Variants in ZNF107 observed in about 807,000 individuals in gnomAD.
ZNF107 encodes zinc finger protein 107.
A neutral mutation model predicts 12.3 loss-of-function variants in ZNF107; 19 were observed. That is an observed-to-expected ratio of 1.55 (90% CI 1.08 to 2.27). The LOEUF (loss-of-function observed/expected upper bound fraction) is 2.27, where lower values mean the gene tolerates loss of function less well. Ranked by LOEUF, ZNF107 falls within the 30% of genes most tolerant of loss-of-function variation. The pLI, the probability that ZNF107 is intolerant of heterozygous loss-of-function variation, is 0.00. For synonymous variants in ZNF107, 317 were observed against 330.5 expected, an observed-to-expected ratio of 0.96 and a Z score of 0.44; for missense variants, 958 against 979.9, an observed-to-expected ratio of 0.98 and a Z score of 0.30.
chr7:64,687,064 C>T (rs1789945480), intron 1 of ZNF107: 1 of 985,286 alleles, frequency 1.0e-6, no homozygotes, highest in African/African-American at 1.7e-5. Flanking sequence ...CTGACTTGTT[C>T]AATCATATCT....
At chr7:64,691,060 G>T (rs1456371515) in intron 1 of ZNF107, among the ~76,000 whole-genome samples, 188 bp from the exon 2 acceptor site, 1 of 152,086 alleles carries the variant, frequency 6.6e-6, no homozygotes, top group East Asian at 1.9e-4. Flanking sequence ...TTTTAGTAGA[G>T]ACGGGGTTTC....
chr7:64,684,396 CT>C (rs1789815769), intron 1 of ZNF107, among the ~76,000 whole-genome samples: 1 of 152,144 alleles, frequency 6.6e-6, no homozygotes, highest in Non-Finnish European at 1.5e-5. Flanking sequence ...GCTTAACCCC[CT>C]GATCTCTACA....
chr7:64,683,268 C>A (rs1343430330), intron 1 of ZNF107, among the ~76,000 whole-genome samples: 1 of 152,172 alleles, frequency 6.6e-6, no homozygotes, highest in Non-Finnish European at 1.5e-5. Flanking sequence ...CAAGGGTCTT[C>A]CATTATCAAT....
At chr7:64,698,110 G>A (rs186742298) in intron 3 of ZNF107, among the ~76,000 whole-genome samples, 6 of 152,220 alleles carry the variant, frequency 3.9e-5, no homozygotes, top group African/African-American at 1.4e-4. Flanking sequence ...ATTCTAATTG[G>A]TGTGAGGTGA....
chr7:64,700,866 C>T (rs1043770549), intron 3 of ZNF107, among the ~76,000 whole-genome samples: 2 of 151,978 alleles, frequency 1.3e-5, no homozygotes, highest in Non-Finnish European at 2.9e-5. Context: ...GTTATCTGCT[C>T]TCAGGTATTA....
At chr7:64,688,380 C>T (rs1364048519) in intron 1 of ZNF107, among the ~76,000 whole-genome samples, 1 of 151,840 alleles carries the variant, frequency 6.6e-6, no homozygotes, top group Non-Finnish European at 1.5e-5. Flanking sequence ...CCTCAGCCTC[C>T]TGAGTAGCTG....
rs192069448 is a variant in ZNF107, at chr7:64,696,892, T to C, written c.226+4932T>C. 4.4e-3 allele frequency among the ~76,000 whole-genome samples: 670 copies of C among 152,268 alleles called. 8 individuals are homozygous for C. Among genetic ancestry groups the C allele is most frequent in the African/African-American group, 0.015 (635 of 41,542 alleles). ...TGCAGGTTTGTTACATATGTGTACA[T>C]GTGCCATGTTGGTGTGCTGCACCCA... On this transcript the variant is annotated intron_variant, in intron 3 of 3. Transcript: ENST00000620827.
chr7:64,673,127 T>C (rs1789295937), intron 1 of ZNF107, among the ~76,000 whole-genome samples: 1 of 152,190 alleles, frequency 6.6e-6, no homozygotes, highest in Non-Finnish European at 1.5e-5. Context: ...CACTGCAACC[T>C]CTCCCGCCTG....
At chr7:64,686,815 A>G (rs1006443857) in intron 1 of ZNF107, 1 of 909,180 alleles carries the variant, frequency 1.1e-6, no homozygotes, top group Non-Finnish European at 1.3e-6. Context: ...TCTCCCTCAC[A>G]CCTCCGGGCT....
At chr7:64,681,789 C>G (rs559289381) in intron 1 of ZNF107, among the ~76,000 whole-genome samples, 1 of 152,280 alleles carries the variant, frequency 6.6e-6, no homozygotes, top group African/African-American at 2.4e-5. Flanking sequence ...CATATTAGTT[C>G]AAGACCTTCG....
intron 1 of ZNF107, chr7:64,687,065 A>T (rs890761099): frequency 1.0e-6 from 1 of 985,438 alleles, no homozygotes; most frequent in Non-Finnish European, 1.2e-6. Flanking sequence ...TGACTTGTTC[A>T]ATCATATCTA....
intron 1 of ZNF107, chr7:64,668,895 T>C (rs1287335235): frequency 1.3e-5 from 2 of 152,052 alleles, no homozygotes; most frequent in Admixed American, 6.6e-5. Flanking sequence ...ATGAGTTACA[T>C]AGATTTATGA....
intron 1 of ZNF107, among the ~76,000 whole-genome samples, 152 bp from the exon 2 acceptor site, chr7:64,691,096 T>C (rs1790101450): frequency 6.6e-6 from 1 of 152,156 alleles, no homozygotes; most frequent in Non-Finnish European, 1.5e-5. Context: ...ATGGTCTCAA[T>C]CTCTTGACCT....
At chr7:64,666,883 G>A (rs1366129397) in intron 1 of ZNF107, among the ~76,000 whole-genome samples, 1 of 143,782 alleles carries the variant, frequency 7.0e-6, no homozygotes, top group Non-Finnish European at 1.5e-5. Flanking sequence ...AATTGGTTAG[G>A]TAGAGTTACG....
rs781693969 is a variant in ZNF107, at chr7:64,707,102, T to G, written c.1005T>G (p.His335Gln). 6.2e-7 allele frequency: 1 copy of G among 1,612,674 alleles called. No individual in the cohort carries two copies. The highest frequency in any genetic ancestry group is 1.7e-5 in the Admixed American group (1 of 59,746). Reference protein sequence around the residue: ...FSNLTNHKRIHAGEKPYKCKE... With the variant: ...FSNLTNHKRIQAGEKPYKCKE... ...ATCTTACTAACCATAAGAGAATTCA[T>G]GCTGGGGAGAAACCCTACAAATGTA... The change falls in exon 4 of 4, where the codon CAT becomes CAG. Residue 335 changes from histidine (H) to glutamine (Q), a missense_variant. Physicochemically the swap from His to Gln is conservative, Grantham distance 24 (BLOSUM62 0). Coordinates refer to ENST00000620827, the MANE Select transcript of ZNF107 (RefSeq NM_001282359.2).
intron 1 of ZNF107, among the ~76,000 whole-genome samples, chr7:64,685,448 A>G (rs1789869768): frequency 6.6e-6 from 1 of 152,176 alleles, no homozygotes; most frequent in African/African-American, 2.4e-5. Flanking sequence ...AATGGCAGGC[A>G]TACGCACTGC....
intron 3 of ZNF107, among the ~76,000 whole-genome samples, chr7:64,700,259 T>C (rs1790430344): frequency 6.6e-6 from 1 of 152,060 alleles, no homozygotes; most frequent in South Asian, 2.1e-4. Context: ...TCCTCGTGAA[T>C]AGCTTGGCGT....
rs1790291698 is a variant in ZNF107 at position 64,696,432 on chromosome 7, T to A, written c.226+4472T>A. ...TGGGAGATTGAGAGAGGAGGATTACTTGAGCCTGGGAGTTAGTGGCTACAG... is the reference window on the plus strand; with the variant it reads ...TGGGAGATTGAGAGAGGAGGATTACATGAGCCTGGGAGTTAGTGGCTACAG... On this transcript the variant is annotated intron_variant, in intron 3 of 3. Coordinates refer to ENST00000620827, the MANE Select transcript of ZNF107 (RefSeq NM_001282359.2). Among the ~76,000 whole-genome samples, 3 of 152,160 alleles carry A rather than the reference T, an allele frequency of 2.0e-5. No homozygotes were observed. In the South Asian group the frequency reaches 6.2e-4, roughly 32 times the overall value.
chr7:64,667,602 A>T (rs1211154581), intron 1 of ZNF107, among the ~76,000 whole-genome samples: 2 of 152,164 alleles, frequency 1.3e-5, no homozygotes, highest in African/African-American at 2.4e-5. Context: ...TCAAGATATC[A>T]ACTGTGGCTG....
Sources: allele counts gnomAD v4.1 joint callset (sites outside exome capture counted in the v4.1 genomes callset), GRCh38; gene constraint gnomAD v4.1.1; transcripts MANE v1.5; gene names NCBI Gene and HGNC (gene_info 2026-07-23, HGNC 2026-07-21).